Variants in PTPRB observed in about 807,000 individuals in gnomAD.
The protein encoded by PTPRB is protein tyrosine phosphatase receptor type B.
A neutral mutation model predicts 238.1 loss-of-function variants in PTPRB; 97 were observed. The ratio of observed to expected loss-of-function variants is 0.41; its 90% CI spans 0.35 to 0.48. PTPRB has a LOEUF of 0.48. Among genes scored for constraint, PTPRB ranks in the 20% least tolerant of loss-of-function variants. The pLI is 0.30. For missense variants in PTPRB, 2,292 were observed against 2,681.9 expected, an observed-to-expected ratio of 0.85 and a Z score of 3.21; for synonymous variants, 970 against 995.4, an observed-to-expected ratio of 0.97 and a Z score of 0.48.
At position 70,581,194 on chromosome 12, in the gene PTPRB, A is replaced by T. The variant is rs1565973838; in HGVS notation, c.2420T>A (p.Leu807Gln). 6 of 1,614,022 alleles carry T rather than the reference A, an allele frequency of 3.7e-6. No individual in the cohort carries two copies. Among genetic ancestry groups the T allele is most frequent in the Non-Finnish European group, 2.5e-6 (3 of 1,179,902 alleles). ...TTTAATGACCACATTTTCATGGATCAGTAAGACTTGGTAAAATTCTACGTC... is the reference window on the plus strand; with the variant it reads ...TTTAATGACCACATTTTCATGGATCTGTAAGACTTGGTAAAATTCTACGTC... ...QGDVEFYQVL[L>Q]IHENVVIKNE... The change falls in exon 10 of 34, where the codon CTG (leucine) becomes CAG (glutamine). Residue 807 changes from leucine (L) to glutamine (Q), a missense_variant. By Grantham distance (113) the Leu-to-Gln change is moderately radical (BLOSUM62 -2). This residue lies in a region of PTPRB where 1,205 missense variants were observed against 1,287.8 expected (regional missense o/e 0.94). Coordinates refer to ENST00000334414, the MANE Select transcript of PTPRB (RefSeq NM_001109754.4).
At chr12:70,636,484 C>T (rs965113923) in intron 1 of PTPRB, among the ~76,000 whole-genome samples, 1 of 152,118 alleles carries the variant, frequency 6.6e-6, no homozygotes, top group South Asian at 2.1e-4. Flanking sequence ...AGCTTCCTCC[C>T]TTACCTTAAA....
chr12:70,581,542 G>A lies in PTPRB; in HGVS notation c.2312-240C>T, dbSNP rs117927949. Reference sequence around the variant, plus strand: ...AAAATTATTTAAGATCCAAAGATGAGATGATGCATGCTTATTAAGTGGTTT... The same window carrying A: ...AAAATTATTTAAGATCCAAAGATGAAATGATGCATGCTTATTAAGTGGTTT... On this transcript the variant is annotated intron_variant, in intron 9 of 33. Transcript: ENST00000334414. 7.2e-3 allele frequency among the ~76,000 whole-genome samples: 1,095 copies of A among 152,282 alleles called. 8 individuals carry two copies. Among genetic ancestry groups the A allele is most frequent in the Non-Finnish European group, 0.012 (797 of 68,014 alleles).
chr12:70,624,100 G>A (rs1248092802), intron 2 of PTPRB, among the ~76,000 whole-genome samples: 6 of 152,084 alleles, frequency 3.9e-5, no homozygotes, highest in Non-Finnish European at 5.9e-5. Context: ...ACATAAGGTC[G>A]ATGGATTTAG....
chr12:70,581,423 C>T, intron 9 of PTPRB, 121 bp from the exon 10 acceptor site: 1 of 1,031,272 alleles, frequency 9.7e-7, no homozygotes, highest in Non-Finnish European at 1.4e-6. Flanking sequence ...TGTGTTGTTG[C>T]TATAGACTCT....
chr12:70,579,480 C>T (rs1484031203), intron 10 of PTPRB, among the ~76,000 whole-genome samples: 6 of 151,984 alleles, frequency 3.9e-5, no homozygotes, highest in African/African-American at 1.2e-4. Context: ...AGGCAGATCA[C>T]GAGGTCAGGA....
intron 2 of PTPRB, among the ~76,000 whole-genome samples, chr12:70,628,355 C>A (rs578133887): frequency 3.9e-5 from 6 of 152,316 alleles, no homozygotes; most frequent in African/African-American, 1.2e-4. Context: ...AGACAATTGA[C>A]TAGCTTTTTA....
At position 70,535,236 on chromosome 12, in the gene PTPRB, T is replaced by G. The variant is rs930214626; in HGVS notation, c.6082-281A>C. Among the ~76,000 whole-genome samples the G allele has an allele frequency of 7.2e-4, 106 of 148,084 alleles. No individual in the cohort carries two copies. In the Middle Eastern group the frequency reaches 0.01, roughly 15 times the overall value. On this transcript the variant is annotated intron_variant, in intron 29 of 33. Coordinates refer to ENST00000334414, the MANE Select transcript of PTPRB (RefSeq NM_001109754.4). ...ATATATGGCTTGAGTTTTTTTTTTT[T>G]TTTTTTTTTTTTTTCCCCTCAGCAT...
At chr12:70,522,398 A>G (rs1592376715) in intron 33 of PTPRB, 1 of 152,170 alleles carries the variant, frequency 6.6e-6, no homozygotes, top group Non-Finnish European at 1.5e-5. Context: ...CTTGACTGCA[A>G]CCTCCTGAAA....
In PTPRB at chr12:70,524,522, C is replaced by G. The variant is rs750940787; in HGVS notation, c.6574G>C (p.Glu2192Gln). ...LRARKLRSEQ[E>Q]NPLFPIYENV... ...TCATAGATTGGAAACAAGGGGTTTTCTTGTTCACTCCGTAGCTTTCTTGCT... is the reference window on the plus strand; with the variant it reads ...TCATAGATTGGAAACAAGGGGTTTTGTTGTTCACTCCGTAGCTTTCTTGCT... Residue 2192 changes from glutamate (E) to glutamine (Q), a missense_variant, in exon 33 of 34, where the codon GAA (glutamate) becomes CAA (glutamine). This residue lies in a region of PTPRB where 397 missense variants were observed against 502.0 expected (regional missense o/e 0.79). Transcript: ENST00000334414. 12 of 1,613,400 alleles carry G rather than the reference C, an allele frequency of 7.4e-6. No homozygotes were observed. The highest frequency in any genetic ancestry group is 1.3e-5 in the African/African-American group (1 of 74,890).
At chr12:70,529,835 A>G (rs964059647) in intron 32 of PTPRB, among the ~76,000 whole-genome samples, 1 of 152,144 alleles carries the variant, frequency 6.6e-6, no homozygotes, top group African/African-American at 2.4e-5. Context: ...AGAGAGACAG[A>G]CATGGTGATC....
chr12:70,604,621 T>C lies in PTPRB; in HGVS notation c.979+4448A>G, dbSNP rs978661775. ...GCTTATGTTTAAAACTATAGAAGTA[T>C]TAGGGGATGAATTGTGTCCCCACCA... On this transcript the variant is annotated intron_variant, in intron 4 of 33. Transcript: ENST00000334414. 3.3e-5 allele frequency among the ~76,000 whole-genome samples: 5 copies of C among 152,210 alleles called. No homozygotes were observed. In the East Asian group the frequency reaches 9.6e-4, roughly 29 times the overall value.
intron 3 of PTPRB, among the ~76,000 whole-genome samples, chr12:70,616,620 T>G (rs1884691405): frequency 6.6e-6 from 1 of 152,166 alleles, no homozygotes; most frequent in Non-Finnish European, 1.5e-5. Flanking sequence ...GATTCCGATA[T>G]ATGTATAACC....
Position 70,576,494 on chromosome 12 carries a change from C to G in PTPRB, c.2730G>C (p.Lys910Asn), listed in dbSNP as rs1367338264. ...GKVVQSLVIA[K>N]SVRECSFSSL... ...AGCTGAAGGAACATTCTCTGACAGACTTGGCAATGACAAGGGACTGAACCA... is the reference window on the plus strand; with the variant it reads ...AGCTGAAGGAACATTCTCTGACAGAGTTGGCAATGACAAGGGACTGAACCA... The change falls in exon 11 of 34, where the codon AAG becomes AAC. Residue 910 changes from lysine to asparagine, a missense_variant. Around this residue, in one of 4 missense-constraint regions of PTPRB, gnomAD observed 1,205 missense variants for 1,287.8 expected, o/e 0.94. Coordinates refer to ENST00000334414, the MANE Select transcript of PTPRB (RefSeq NM_001109754.4). 3.8e-6 allele frequency: 6 copies of G among 1,581,926 alleles called. No individual in the cohort carries two copies. The African/African-American group carries it at 5.4e-5, about 14-fold the overall frequency.
chr12:70,524,905 GTATA>G (rs1301551780), intron 32 of PTPRB, among the ~76,000 whole-genome samples: 27 of 141,368 alleles, frequency 1.9e-4, no homozygotes, highest in African/African-American at 6.8e-4. Context: ...GTATATATGT[GTATA>G]TATGTATGTA....
At chr12:70,547,754 G>A (rs181087188) in intron 21 of PTPRB, among the ~76,000 whole-genome samples, 2 of 152,132 alleles carry the variant, frequency 1.3e-5, no homozygotes, top group African/African-American at 4.8e-5. Context: ...CTATCTGCCT[G>A]TCTTGGCCTC....
Position 70,581,297 on chromosome 12 carries a change from C to A in PTPRB, c.2317G>T (p.Ala773Ser). The change falls in exon 10 of 34, where the codon GCC becomes TCC. Residue 773 changes from alanine to serine, a missense_variant. Coordinates refer to ENST00000334414, the MANE Select transcript of PTPRB (RefSeq NM_001109754.4). Reference sequence around the variant, plus strand: ...GCCACATGCAAGTCAGTCACTTGGGCAGGCACTAAAACAGTAGACAGAAGA... The same window carrying A: ...GCCACATGCAAGTCAGTCACTTGGGAAGGCACTAAAACAGTAGACAGAAGA... Reference protein sequence around the residue: ...SSSVKGRTVPAQVTDLHVANQ... With the variant: ...SSSVKGRTVPSQVTDLHVANQ... The A allele has an allele frequency of 1.2e-6, 2 of 1,611,912 alleles. No homozygotes were observed. The highest frequency in any genetic ancestry group is 8.5e-7 in the Non-Finnish European group (1 of 1,178,752).
At chr12:70,534,177 A>T (rs1592404828) in intron 31 of PTPRB, among the ~76,000 whole-genome samples, 2 of 152,312 alleles carry the variant, frequency 1.3e-5, no homozygotes, top group South Asian at 4.1e-4. Context: ...ATGCCTGATG[A>T]TGGAAAGCAT....
At chr12:70,530,018 G>A (rs914561086) in intron 32 of PTPRB, among the ~76,000 whole-genome samples, 1 of 152,154 alleles carries the variant, frequency 6.6e-6, no homozygotes, top group African/African-American at 2.4e-5. Context: ...GCCACATCTA[G>A]AATGTGGGAA....
At chr12:70,614,228 T>C (rs956160292) in intron 3 of PTPRB, among the ~76,000 whole-genome samples, 12 of 152,194 alleles carry the variant, frequency 7.9e-5, no homozygotes, top group Admixed American at 5.2e-4. Flanking sequence ...CCAGTACTAG[T>C]TCATGAGAAG....
Sources: allele counts gnomAD v4.1 joint callset (sites outside exome capture counted in the v4.1 genomes callset), GRCh38; gene constraint gnomAD v4.1.1; regional missense constraint gnomAD v4.1.1; transcripts MANE v1.5; gene names NCBI Gene and HGNC (gene_info 2026-07-23, HGNC 2026-07-21).